SRCAP: variants seen among roughly 807,000 people sequenced by gnomAD.
SRCAP encodes Snf2 related CREBBP activator protein, also known as chromatin remodeling protein SRCAP.
In SRCAP, 46 loss-of-function variants were observed where a neutral mutation model predicts 263.1. The observed-to-expected ratio is 0.17, with a 90% confidence interval of 0.14 to 0.22. The LOEUF (loss-of-function observed/expected upper bound fraction) is 0.22, where lower values mean the gene tolerates loss of function less well. Among genes scored for constraint, SRCAP ranks in the 10% least tolerant of loss-of-function variants. SRCAP has a pLI of 1.00. For synonymous variants in SRCAP, 1,813 were observed against 1,662.1 expected, an observed-to-expected ratio of 1.09 and a Z score of -2.21; for missense variants, 3,695 against 4,181.9, an observed-to-expected ratio of 0.88 and a Z score of 3.21.
intron 26 of SRCAP, 21 bp from the exon 27 acceptor site, chr16:30,729,349 G>C (rs751222879): frequency 1.2e-6 from 2 of 1,613,494 alleles, no homozygotes; most frequent in Non-Finnish European, 1.7e-6. Flanking sequence ...CTTTTACACT[G>C]CCTGCTTCTT....
intron 16 of SRCAP, 93 bp downstream of exon 16, chr16:30,713,804 G>A: frequency 8.2e-7 from 1 of 1,219,336 alleles, no homozygotes; most frequent in South Asian, 1.4e-5. Flanking sequence ...TGGGGAGAGG[G>A]AAGTCAGTGC....
In SRCAP at chr16:30,712,324, A is replaced by G. The variant is rs1596647814; in HGVS notation, c.1878A>G (p.Leu626=). The G allele has an allele frequency of 1.2e-6, 2 of 1,613,196 alleles. No individual in the cohort carries two copies. The highest frequency in any genetic ancestry group is 1.7e-6 in the Non-Finnish European group (2 of 1,179,584). ...GQLREYQHIG[L]DWLVTMYEKK... ...TCCGGGAGTACCAGCACATTGGGCT[A>G]GACTGGCTGGTTACCATGTATGAGA... The change falls in exon 13 of 34, where the codon CTA becomes CTG. Residue 626 remains leucine, a synonymous_variant. Coordinates refer to ENST00000262518, the MANE Select transcript of SRCAP (RefSeq NM_006662.3).
At chr16:30,710,513 G>A (rs772379877) in intron 8 of SRCAP, 20 of 750,234 alleles carry the variant, frequency 2.7e-5, no homozygotes, top group Non-Finnish European at 4.2e-5. Flanking sequence ...GCATGGGGAA[G>A]TGTTGGGTGC....
chr16:30,728,274 G>T (rs2053081682), intron 25 of SRCAP, among the ~76,000 whole-genome samples: 1 of 152,188 alleles, frequency 6.6e-6, no homozygotes, highest in Non-Finnish European at 1.5e-5. Context: ...AGTTCATGTT[G>T]TATGGGGCCT....
intron 4 of SRCAP, among the ~76,000 whole-genome samples, chr16:30,706,119 G>A (rs2052824875): frequency 6.6e-6 from 1 of 152,104 alleles, no homozygotes; most frequent in Non-Finnish European, 1.5e-5. Flanking sequence ...CTGGTCTCTG[G>A]CTGTCATTTT....
intron 31 of SRCAP, 57 bp from the exon 32 acceptor site, chr16:30,736,143 C>A: frequency 6.3e-7 from 1 of 1,598,164 alleles, no homozygotes. Context: ...AATCAAATCA[C>A]AGGATGTAAA....
chr16:30,728,793 C>T (rs1260606887), intron 25 of SRCAP, among the ~76,000 whole-genome samples, 173 bp from the exon 26 acceptor site: 1 of 152,096 alleles, frequency 6.6e-6, no homozygotes, highest in Non-Finnish European at 1.5e-5. Flanking sequence ...AGTTATTTAA[C>T]ATAACTTCTG....
rs921985739 is a variant in SRCAP, at chr16:30,740,019, A to T, written c.*286A>T. On this transcript the variant is annotated 3_prime_UTR_variant, in exon 34 of 34. Transcript: ENST00000262518. Reference sequence around the variant, plus strand: ...ACTTGATTCCCCAGCTGTCTTTCACACAGCCCCCCACCCTTAGGGGAAGGG... The same window carrying T: ...ACTTGATTCCCCAGCTGTCTTTCACTCAGCCCCCCACCCTTAGGGGAAGGG... 6.6e-6 allele frequency: 2 copies of T among 303,440 alleles called. No individual in the cohort carries two copies. Among genetic ancestry groups the T allele is most frequent in the African/African-American group, 4.4e-5 (2 of 45,870 alleles). The allele number at this position is 303,440 out of a possible 1,614,324, so 18.8% of individuals were successfully genotyped here.
intron 25 of SRCAP, among the ~76,000 whole-genome samples, chr16:30,727,493 C>T (rs2053074753): frequency 6.6e-6 from 1 of 152,106 alleles, no homozygotes; most frequent in Non-Finnish European, 1.5e-5. Flanking sequence ...CTTAAGTGAA[C>T]CTCCCATCTC....
chr16:30,721,566 G>T, intron 21 of SRCAP, 90 bp downstream of exon 21: 1 of 1,492,734 alleles, frequency 6.7e-7, no homozygotes, highest in Non-Finnish European at 9.0e-7. Flanking sequence ...GCTGGGTCAG[G>T]CATGATGGCT....
At chr16:30,732,005 C>T (rs536868518) in intron 27 of SRCAP, among the ~76,000 whole-genome samples, 41 of 151,022 alleles carry the variant, frequency 2.7e-4, no homozygotes, top group Admixed American at 2.3e-3. Flanking sequence ...ATTAGCCAGG[C>T]GTGGTGACAT....
At chr16:30,723,551 A>G in intron 24 of SRCAP, 33 bp from the exon 25 acceptor site, 1 of 1,585,916 alleles carries the variant, frequency 6.3e-7, no homozygotes, top group Non-Finnish European at 8.6e-7. Flanking sequence ...CAGGAAAAGA[A>G]TTCTGGGGCT....
In SRCAP at chr16:30,720,774, G is replaced by T. The variant is rs2053003599; in HGVS notation, c.3049G>T (p.Ala1017Ser). ...RTVVVVNNPR[A>S]PLGPVPVRPP... ...AGTGGTGGTGGTGAACAACCCACGG[G>T]CGCCCCTGGGCCCTGTCCCAGTTCG... The change falls in exon 20 of 34, where the codon GCG (alanine) becomes TCG (serine). Residue 1017 changes from alanine (A) to serine (S), a missense_variant. Coordinates refer to ENST00000262518, the MANE Select transcript of SRCAP (RefSeq NM_006662.3). 6.2e-7 allele frequency: 1 copy of T among 1,613,856 alleles called. No homozygotes were observed. Among genetic ancestry groups the T allele is most frequent in the African/African-American group, 1.3e-5 (1 of 74,906 alleles).
At chr16:30,725,399 G>A (rs1219672873) in intron 25 of SRCAP, 2 of 318,764 alleles carry the variant, frequency 6.3e-6, no homozygotes, top group East Asian at 7.7e-5. Context: ...ATGATTTCCG[G>A]TAGCTGTTTC....
intron 18 of SRCAP, among the ~76,000 whole-genome samples, chr16:30,719,702 C>T (rs1025789197): frequency 1.3e-5 from 2 of 152,016 alleles, no homozygotes; most frequent in African/African-American, 2.4e-5. Context: ...TCTGTAGAGA[C>T]GGGGTCTTAC....
Position 30,725,057 on chromosome 16 carries a change from C to A in SRCAP, c.5633C>A (p.Pro1878Gln), listed in dbSNP as rs747709839. Residue 1878 changes from proline to glutamine, a missense_variant, in exon 25 of 34, where the codon CCA becomes CAA. By Grantham distance (76) the Pro-to-Gln change is moderately conservative. Coordinates refer to ENST00000262518, the MANE Select transcript of SRCAP (RefSeq NM_006662.3). ...CCCCGGCCTCGACGCCAGCCCCCCC[C>A]ACCACCTCGTTCCCCTTTTTATCTG... Reference protein sequence around the residue: ...GGPRPRRQPPPPPRSPFYLDS... With the variant: ...GGPRPRRQPPQPPRSPFYLDS... The A allele has an allele frequency of 2.5e-6, 4 of 1,612,308 alleles. No homozygotes were observed. The highest frequency in any genetic ancestry group is 1.3e-5 in the African/African-American group (1 of 74,884).
intron 4 of SRCAP, among the ~76,000 whole-genome samples, chr16:30,706,981 C>A (rs916011431): frequency 2.0e-5 from 3 of 152,170 alleles, no homozygotes; most frequent in African/African-American, 7.2e-5. Flanking sequence ...ATCACTTAAT[C>A]TCCCTGATCT....
chr16:30,733,554 T>A lies in SRCAP; in HGVS notation c.6298-48T>A. 3 of 1,603,474 alleles carry A rather than the reference T, an allele frequency of 1.9e-6. No individual in the cohort carries two copies. The highest frequency in any genetic ancestry group is 2.6e-6 in the Non-Finnish European group (3 of 1,173,132). ...GTGCCACTAAGCCTTTAGACCTGTTTTGGGGGATAAGTCTCCCAGTATCAT... is the reference window on the plus strand; with the variant it reads ...GTGCCACTAAGCCTTTAGACCTGTTATGGGGGATAAGTCTCCCAGTATCAT... On this transcript the variant is annotated intron_variant, in intron 28 of 33. Coordinates refer to ENST00000262518, the MANE Select transcript of SRCAP (RefSeq NM_006662.3). This position sits in a 1 kb window ranked among gnomAD's most constrained non-coding sequence, Gnocchi z 5.3.
At chr16:30,710,632 A>T (rs1382560941) in intron 8 of SRCAP, 122 bp from the exon 9 acceptor site, 2 of 1,006,598 alleles carry the variant, frequency 2.0e-6, no homozygotes, top group East Asian at 2.4e-5. Flanking sequence ...CCCTGGGATT[A>T]TACCAGTGGC....
Sources: allele counts gnomAD v4.1 joint callset (sites outside exome capture counted in the v4.1 genomes callset), GRCh38; gene constraint gnomAD v4.1.1; non-coding constraint Gnocchi (gnomAD v3.1); transcripts MANE v1.5; gene names NCBI Gene and HGNC (gene_info 2026-07-23, HGNC 2026-07-21).